The following PRPF38A variants were observed in gnomAD, a reference collection of about 807,000 sequenced individuals.
PRPF38A encodes the protein pre-mRNA processing factor 38A, also known as pre-mRNA-splicing factor 38A.
PRPF38A carries 11 observed loss-of-function variants against 46.8 expected under a neutral mutation model. The observed-to-expected ratio is 0.24, with a 90% CI of 0.15 to 0.39. The LOEUF is 0.39. Ranked by LOEUF, PRPF38A falls within the 10% of genes least tolerant of loss-of-function variation. PRPF38A has a pLI of 1.00. For missense variants in PRPF38A, 261 were observed against 407.5 expected (o/e 0.64, Z 3.10); for synonymous variants, 124 against 136.2 (o/e 0.91, Z 0.62).
intron 9 of PRPF38A, among the ~76,000 whole-genome samples, chr1:52,416,215 T>A (rs115646287): frequency 0.021 from 3,154 of 151,798 alleles, 105 homozygotes; most frequent in African/African-American, 0.069. Context: ...GACTCAAGAG[T>A]GTTGCTCTGA....
intron 5 of PRPF38A, among the ~76,000 whole-genome samples, chr1:52,413,411 CT>C (rs549631051): frequency 2.1e-3 from 299 of 145,718 alleles, no homozygotes; most frequent in Middle Eastern, 3.6e-3. Flanking sequence ...AGGAAGCAAA[CT>C]TTTTTTTTTT....
intron 2 of PRPF38A, 198 bp from the exon 3 acceptor site, chr1:52,408,371 A>G (rs1000742463): frequency 2.8e-6 from 2 of 709,410 alleles, no homozygotes; most frequent in African/African-American, 3.5e-5. Flanking sequence ...CACAGCCATA[A>G]ATGGTAGCAT....
rs950095507 is a variant in PRPF38A at position 52,420,324 on chromosome 1, A to G, written c.*3634A>G. The G allele has an allele frequency of 2.0e-5, 3 of 152,230 alleles. No individual in the cohort carries two copies. The South Asian group carries it at 6.2e-4, about 32-fold the overall frequency. 9.4% of individuals were successfully genotyped at this position (152,230 alleles called of 1,614,324 possible). A position where few individuals can be genotyped will look rare whatever the true frequency, so the allele number is the denominator to read the frequency against. On this transcript the variant is annotated 3_prime_UTR_variant, in exon 10 of 10. Coordinates refer to ENST00000257181, the MANE Select transcript of PRPF38A (RefSeq NM_032864.4). ...AAGAATCAGTAAAAGGAGTGTTAGTAAACACTTCAGAAACTTTAAAAATAA... is the reference window on the plus strand; with the variant it reads ...AAGAATCAGTAAAAGGAGTGTTAGTGAACACTTCAGAAACTTTAAAAATAA...
intron 1 of PRPF38A, among the ~76,000 whole-genome samples, chr1:52,405,080 T>C (rs1008404361): frequency 6.6e-6 from 1 of 152,246 alleles, no homozygotes; most frequent in Non-Finnish European, 1.5e-5. Context: ...TAAGGTCATA[T>C]TCTGAAGGCT....
At position 52,413,901 on chromosome 1, in the gene PRPF38A, A is replaced by G; in HGVS notation, c.632A>G (p.Asp211Gly). The change falls in exon 6 of 10, where the codon GAT becomes GGT. Residue 211 changes from aspartate (D) to glycine (G), a missense_variant. By Grantham distance (94) the Asp-to-Gly change is moderately conservative (BLOSUM62 -1). This residue lies in a region of PRPF38A where 180 missense variants were observed against 221.0 expected (regional missense o/e 0.81). Transcript: ENST00000257181. The stretch of plus-strand genomic sequence containing the variant: ...CAGTTGGAAAGAGTGCCATCACCTG[A>G]TCACCGCCGGAGAAGCTACCGAGAC... ...DEKLERVPSPDHRRRSYRDLD... is the reference protein window; with the variant it reads ...DEKLERVPSPGHRRRSYRDLD... The G allele has an allele frequency of 6.2e-7, 1 of 1,613,504 alleles. No homozygotes were observed. The highest frequency in any genetic ancestry group is 8.5e-7 in the Non-Finnish European group (1 of 1,179,688).
At chr1:52,411,231 C>T in intron 4 of PRPF38A, 31 bp downstream of exon 4, 3 of 1,502,698 alleles carry the variant, frequency 2.0e-6, no homozygotes, top group East Asian at 2.3e-5. Flanking sequence ...ACCAGAGTCA[C>T]CCTTCTCTTC....
At position 52,417,972 on chromosome 1, in the gene PRPF38A, T is replaced by A. The variant is rs768205202; in HGVS notation, c.*1282T>A. On this transcript the variant is annotated 3_prime_UTR_variant, in exon 10 of 10. Transcript: ENST00000257181. ...AAGATCTTTGCTAGAAGAGTTCCTT[T>A]ACCTGTACTTAACTCCCTTAAAAAG... is the stretch of plus-strand genomic sequence containing the variant. 2.6e-5 allele frequency: 4 copies of A among 152,276 alleles called. No individual in the cohort carries two copies. Among genetic ancestry groups the A allele is most frequent in the Non-Finnish European group, 5.9e-5 (4 of 68,044 alleles). The allele number at this position is 152,276 out of a possible 1,614,324, so 9.4% of individuals were successfully genotyped here.
At position 52,416,996 on chromosome 1, in the gene PRPF38A, A is replaced by G. The variant is rs966053177; in HGVS notation, c.*306A>G. The G allele has an allele frequency of 3.1e-6, 1 of 326,078 alleles. No homozygotes were observed. Among genetic ancestry groups the G allele is most frequent in the African/African-American group, 2.1e-5 (1 of 47,414 alleles). 20.2% of individuals were successfully genotyped at this position (326,078 alleles called of 1,614,324 possible). A position where few individuals can be genotyped will look rare whatever the true frequency, so the allele number is the denominator to read the frequency against. ...CCACCTGATGACCCTTTCCCTTTTT[A>G]TTAAACCGGACACACCTGTTTCCCA... On this transcript the variant is annotated 3_prime_UTR_variant, in exon 10 of 10. Transcript: ENST00000257181.
At chr1:52,415,214 A>G (rs1648255143) in intron 8 of PRPF38A, 124 bp from the exon 9 acceptor site, 66 of 888,536 alleles carry the variant, frequency 7.4e-5, no homozygotes, top group Non-Finnish European at 1.1e-4. Flanking sequence ...TGCTTCCACT[A>G]AGAGGTGTCC....
At chr1:52,408,345 A>G in intron 2 of PRPF38A, 2 of 670,474 alleles carry the variant, frequency 3.0e-6, no homozygotes, top group Non-Finnish European at 2.7e-6. Context: ...AAGTTGATCA[A>G]TATGTATGAT....
At chr1:52,410,459 A>ATG (rs1179383266) in intron 3 of PRPF38A, among the ~76,000 whole-genome samples, 6 of 150,138 alleles carry the variant, frequency 4.0e-5, no homozygotes, top group African/African-American at 1.5e-4. Context: ...ATATATATAG[A>ATG]TGTATATATA....
chr1:52,415,290 A>G lies in PRPF38A; in HGVS notation c.848-48A>G, dbSNP rs752482118. ...TAGGGGAGGTGAGAATGACAGTTTA[A>G]TAAGAGTAGAAGGGTAGGATCTTAT... On this transcript the variant is annotated intron_variant, in intron 8 of 9. Coordinates refer to ENST00000257181, the MANE Select transcript of PRPF38A (RefSeq NM_032864.4). 15 of 1,584,614 alleles carry G rather than the reference A, an allele frequency of 9.5e-6. No homozygotes were observed. In the Admixed American group the frequency reaches 1.5e-4, roughly 16 times the overall value.
chr1:52,407,747 C>A (rs1648038547), intron 2 of PRPF38A, among the ~76,000 whole-genome samples: 1 of 152,098 alleles, frequency 6.6e-6, no homozygotes, highest in Non-Finnish European at 1.5e-5. Flanking sequence ...ATGGGGAAAC[C>A]CCGTCTCTAC....
At chr1:52,413,788 G>A (rs563289749) in intron 5 of PRPF38A, 91 bp from the exon 6 acceptor site, 2 of 799,162 alleles carry the variant, frequency 2.5e-6, no homozygotes, top group African/African-American at 1.7e-5. Flanking sequence ...GATGGACTTT[G>A]GGACAAGATG....
chr1:52,406,913 C>G (rs574611286), intron 2 of PRPF38A, among the ~76,000 whole-genome samples: 1 of 152,222 alleles, frequency 6.6e-6, no homozygotes, highest in Non-Finnish European at 1.5e-5. Context: ...ATATTCTTTG[C>G]TACAGTATTC....
chr1:52,412,563 C>T lies in PRPF38A; in HGVS notation c.548C>T (p.Ala183Val). The T allele has an allele frequency of 6.2e-7, 1 of 1,613,724 alleles. No individual in the cohort carries two copies. The highest frequency in any genetic ancestry group is 8.5e-7 in the Non-Finnish European group (1 of 1,179,758). ...GAGCAACTGGAGCCTCGAGTTAGTG[C>T]TCTGGAAGAGGACATGGATGATGTG... The part of the protein sequence containing the change: ...EAEQLEPRVS[A>V]LEEDMDDVES... The change falls in exon 5 of 10, where the codon GCT becomes GTT. Residue 183 changes from alanine to valine, a missense_variant. By Grantham distance (64) the Ala-to-Val change is moderately conservative (BLOSUM62 0). Around this residue, in one of 2 missense-constraint regions of PRPF38A, gnomAD observed 180 missense variants for 221.0 expected, o/e 0.81. Transcript: ENST00000257181.
At position 52,419,199 on chromosome 1, in the gene PRPF38A, A is replaced by C. The variant is rs900896535; in HGVS notation, c.*2509A>C. Reference sequence around the variant, plus strand: ...GGAGAAACCCTGTCTCTACTAAAAAATACAAAATTAGCCGGGCATGGTGGC... The same window carrying C: ...GGAGAAACCCTGTCTCTACTAAAAACTACAAAATTAGCCGGGCATGGTGGC... On this transcript the variant is annotated 3_prime_UTR_variant, in exon 10 of 10. Coordinates refer to ENST00000257181, the MANE Select transcript of PRPF38A (RefSeq NM_032864.4). 6.6e-6 allele frequency: 1 copy of C among 152,264 alleles called. No homozygotes were observed. The allele number at this position is 152,264 out of a possible 1,614,324, so 9.4% of individuals were successfully genotyped here.
intron 1 of PRPF38A, 31 bp from the exon 2 acceptor site, chr1:52,405,649 A>G (rs540932913): frequency 6.2e-7 from 1 of 1,609,518 alleles, no homozygotes; most frequent in Non-Finnish European, 8.5e-7. Context: ...GCTTAGCCCT[A>G]ATATGTTACT....
In PRPF38A at chr1:52,416,865, A is replaced by G. The variant is rs1648308598; in HGVS notation, c.*175A>G. 4.9e-6 allele frequency: 3 copies of G among 617,552 alleles called. No homozygotes were observed. The highest frequency in any genetic ancestry group is 8.8e-6 in the Non-Finnish European group (3 of 340,642). 38.3% of individuals were successfully genotyped at this position (617,552 alleles called of 1,614,324 possible). The stretch of plus-strand genomic sequence containing the variant: ...TGCTGAGTTTTGTATCTTTTTAATC[A>G]TAATCAACATCAGTTTTTGACCCAA... On this transcript the variant is annotated 3_prime_UTR_variant, in exon 10 of 10. Transcript: ENST00000257181.
Sources: allele counts gnomAD v4.1 joint callset (sites outside exome capture counted in the v4.1 genomes callset), GRCh38; gene constraint gnomAD v4.1.1; regional missense constraint gnomAD v4.1.1; transcripts MANE v1.5; gene names NCBI Gene and HGNC (gene_info 2026-07-23, HGNC 2026-07-21).